Variants in CDIN1 observed in about 807,000 individuals in gnomAD.
The protein encoded by CDIN1 is CDAN1-interacting nuclease 1.
Under a neutral mutation model 45.3 loss-of-function variants are expected in CDIN1, and 33 were observed. The ratio of observed to expected loss-of-function variants is 0.73; its 90% CI spans 0.55 to 0.97. CDIN1 has a LOEUF of 0.97. Ranked by LOEUF, CDIN1 falls within the 50% of genes least tolerant of loss-of-function variation. The pLI is 0.00. For missense variants in CDIN1, 303 were observed against 339.4 expected, an observed-to-expected ratio of 0.89 and a Z score of 0.84; for synonymous variants, 118 against 124.4, an observed-to-expected ratio of 0.95 and a Z score of 0.34.
At chr15:36,763,048 G>A (rs2053816110) in intron 10 of CDIN1, among the ~76,000 whole-genome samples, 1 of 152,180 alleles carries the variant, frequency 6.6e-6, no homozygotes, top group Non-Finnish European at 1.5e-5. Context: ...TCTAGTTCTA[G>A]ATCCCTGAGG....
At chr15:36,640,565 T>G (rs978776225) in intron 1 of CDIN1, 4 of 940,434 alleles carry the variant, frequency 4.3e-6, no homozygotes, top group Non-Finnish European at 3.8e-6. Flanking sequence ...GAAAAGGAGC[T>G]TTAAGGTAAA....
chr15:36,604,297 G>A (rs2038250016), intron 1 of CDIN1, among the ~76,000 whole-genome samples: 1 of 149,930 alleles, frequency 6.7e-6, no homozygotes, highest in South Asian at 2.1e-4. Flanking sequence ...ATAATTAATT[G>A]CTTGTAAATA....
At chr15:36,774,718 G>A (rs951674073) in intron 10 of CDIN1, among the ~76,000 whole-genome samples, 1 of 152,104 alleles carries the variant, frequency 6.6e-6, no homozygotes, top group Non-Finnish European at 1.5e-5. Context: ...ACTTCCTCAG[G>A]TGCACAGTAG....
chr15:36,745,318 T>A (rs544991135), intron 10 of CDIN1, among the ~76,000 whole-genome samples: 5 of 152,296 alleles, frequency 3.3e-5, no homozygotes, highest in Non-Finnish European at 7.4e-5. Flanking sequence ...GTACTGAACT[T>A]TTAAAGACAT....
At chr15:36,661,970 T>TA (rs1358949312) in intron 5 of CDIN1, among the ~76,000 whole-genome samples, 4 of 152,148 alleles carry the variant, frequency 2.6e-5, no homozygotes, top group African/African-American at 4.8e-5. Context: ...ACACTATTAT[T>TA]AATAGGGAGG....
intron 4 of CDIN1, among the ~76,000 whole-genome samples, chr15:36,657,405 T>C (rs2040821736): frequency 6.6e-6 from 1 of 152,142 alleles, no homozygotes; most frequent in Admixed American, 6.5e-5. Context: ...TTTTGAAAAC[T>C]GTCACTAAAT....
intron 10 of CDIN1, among the ~76,000 whole-genome samples, chr15:36,759,209 AGTAAGAGGAGAGG>A (rs1453613196): frequency 6.6e-5 from 10 of 152,096 alleles, no homozygotes; most frequent in African/African-American, 2.4e-4. Context: ...TCACAGAAGG[AGTAAGAGGAGAGG>A]CGCCTCTTCT....
At chr15:36,778,313 T>C (rs2054270101) in intron 10 of CDIN1, among the ~76,000 whole-genome samples, 1 of 152,122 alleles carries the variant, frequency 6.6e-6, no homozygotes, top group African/African-American at 2.4e-5. Context: ...CCCGAGAAAG[T>C]GGAGGAAAGT....
intron 1 of CDIN1, among the ~76,000 whole-genome samples, chr15:36,612,363 T>G (rs1173321325): frequency 6.6e-6 from 1 of 152,062 alleles, no homozygotes; most frequent in African/African-American, 2.4e-5. Flanking sequence ...TGGAGCAAAA[T>G]TGCTGTGGTG....
chr15:36,622,426 G>A (rs554323854), intron 1 of CDIN1, among the ~76,000 whole-genome samples: 3 of 152,316 alleles, frequency 2.0e-5, no homozygotes, highest in East Asian at 3.9e-4. Context: ...GTTCATAGAA[G>A]TACAGCAGCT....
chr15:36,728,738 A>G (rs1232321526), intron 10 of CDIN1, among the ~76,000 whole-genome samples: 3 of 152,088 alleles, frequency 2.0e-5, no homozygotes, highest in Non-Finnish European at 2.9e-5. Flanking sequence ...CAGTGGCACA[A>G]TCTCGGCTCA....
chr15:36,618,144 C>T (rs911164199), intron 1 of CDIN1: 9 of 712,128 alleles, frequency 1.3e-5, no homozygotes, highest in Non-Finnish European at 2.1e-5. Flanking sequence ...GGCATTAATT[C>T]ACCAGGATCT....
chr15:36,721,048 A>G (rs1032857880), intron 10 of CDIN1, among the ~76,000 whole-genome samples: 1 of 151,986 alleles, frequency 6.6e-6, no homozygotes, highest in Admixed American at 6.6e-5. Flanking sequence ...GCATTTTTTC[A>G]TGTGTCTGTT....
chr15:36,780,734 G>A (rs891009959), intron 10 of CDIN1, among the ~76,000 whole-genome samples: 3 of 152,132 alleles, frequency 2.0e-5, no homozygotes, highest in African/African-American at 7.2e-5. Context: ...TCTAATAACT[G>A]TGCAATAGAG....
At chr15:36,696,117 A>G (rs573383223) in intron 7 of CDIN1, among the ~76,000 whole-genome samples, 42 of 152,290 alleles carry the variant, frequency 2.8e-4, no homozygotes, top group African/African-American at 9.4e-4. Flanking sequence ...TCATCTATAA[A>G]ATAAGGATTG....
chr15:36,717,565 C>T (rs1054420077), intron 10 of CDIN1, among the ~76,000 whole-genome samples: 13 of 152,088 alleles, frequency 8.5e-5, no homozygotes, highest in Admixed American at 2.0e-4. Flanking sequence ...ATCCATTCAC[C>T]TGTTGATGGA....
intron 10 of CDIN1, among the ~76,000 whole-genome samples, chr15:36,743,806 A>G (rs939790153): frequency 4.0e-5 from 6 of 151,800 alleles, no homozygotes; most frequent in Non-Finnish European, 7.4e-5. Context: ...GGAGGATCGC[A>G]TGAGCCCTGG....
At chr15:36,772,458 G>A (rs980344016) in intron 10 of CDIN1, among the ~76,000 whole-genome samples, 1 of 152,194 alleles carries the variant, frequency 6.6e-6, no homozygotes, top group Non-Finnish European at 1.5e-5. Flanking sequence ...TTCAGGTAAA[G>A]GATTATGATA....
intron 1 of CDIN1, among the ~76,000 whole-genome samples, chr15:36,634,809 A>G (rs2039827402): frequency 6.6e-6 from 1 of 152,218 alleles, no homozygotes; most frequent in South Asian, 2.1e-4. Context: ...TTAATGATAC[A>G]AAGTTCTCAC....
Sources: gnomAD v4.1 joint callset for allele counts (sites outside exome capture counted in the v4.1 genomes callset) on GRCh38, gnomAD v4.1.1 for gene constraint, MANE v1.5 for transcripts, NCBI Gene and HGNC (gene_info 2026-07-23, HGNC 2026-07-21) for gene names.